Variants in LUZP2 observed in about 807,000 individuals in gnomAD.
LUZP2 encodes leucine zipper protein 2.
LUZP2 carries 52 observed loss-of-function variants against 51.6 expected under a neutral mutation model. That is an observed-to-expected ratio of 1.01 (90% confidence interval 0.81 to 1.27). LUZP2 has a LOEUF of 1.27. Among genes scored for constraint, LUZP2 ranks in the 50% most tolerant of loss-of-function variants. The probability of loss-of-function intolerance (pLI) is 0.00; values close to 1 mark genes in which losing one functional copy is unlikely to be tolerated. For missense variants in LUZP2, 436 were observed against 395.4 expected, an observed-to-expected ratio of 1.10 and a Z score of -0.87; for synonymous variants, 154 against 137.3, an observed-to-expected ratio of 1.12 and a Z score of -0.85.
chr11:25,001,217 T>A (rs899217464), intron 9 of LUZP2, among the ~76,000 whole-genome samples: 6 of 152,252 alleles, frequency 3.9e-5, no homozygotes, highest in African/African-American at 1.4e-4. Context: ...AGAATTGGTA[T>A]AGATGGCTCC....
intron 1 of LUZP2, among the ~76,000 whole-genome samples, chr11:24,549,133 T>C (rs947228384): frequency 2.0e-5 from 3 of 152,108 alleles, no homozygotes; most frequent in African/African-American, 7.2e-5. Context: ...GCAAGTATAT[T>C]GTACAGCTGT....
intron 1 of LUZP2, among the ~76,000 whole-genome samples, chr11:24,562,723 G>A (rs972713360): frequency 6.6e-6 from 1 of 151,328 alleles, no homozygotes; most frequent in East Asian, 2.0e-4. Context: ...TTACCTGGGC[G>A]TGGTGGTGGG....
intron 5 of LUZP2, among the ~76,000 whole-genome samples, chr11:24,778,877 A>G (rs541491607): frequency 6.6e-6 from 1 of 152,334 alleles, no homozygotes; most frequent in South Asian, 2.1e-4. Context: ...CTTAGTCTGT[A>G]GAGACAATAG....
chr11:24,890,187 A>G (rs1027650095), intron 5 of LUZP2, among the ~76,000 whole-genome samples: 1 of 152,198 alleles, frequency 6.6e-6, no homozygotes, highest in Non-Finnish European at 1.5e-5. Context: ...TATTATAAAA[A>G]TGTAACCAAG....
At chr11:24,967,440 T>A (rs891897416) in intron 7 of LUZP2, among the ~76,000 whole-genome samples, 6 of 152,012 alleles carry the variant, frequency 3.9e-5, no homozygotes, top group Non-Finnish European at 8.8e-5. Flanking sequence ...TTCATTAAAT[T>A]TTTTCCTAAC....
At chr11:24,999,810 T>C (rs1405895919) in intron 9 of LUZP2, among the ~76,000 whole-genome samples, 1 of 152,188 alleles carries the variant, frequency 6.6e-6, no homozygotes, top group Non-Finnish European at 1.5e-5. Flanking sequence ...TTGGTCTCAC[T>C]GACTTCAAGA....
At chr11:24,850,647 T>C (rs974251939) in intron 5 of LUZP2, among the ~76,000 whole-genome samples, 1 of 152,210 alleles carries the variant, frequency 6.6e-6, no homozygotes, top group East Asian at 1.9e-4. Flanking sequence ...TTTTTTCTAA[T>C]TCTGTGAAGA....
chr11:25,047,904 G>A (rs1369612999), intron 9 of LUZP2, among the ~76,000 whole-genome samples: 1 of 152,038 alleles, frequency 6.6e-6, no homozygotes, highest in Non-Finnish European at 1.5e-5. Context: ...CTGCAGCCTA[G>A]AATTTCTGGA....
At chr11:24,840,073 C>A (rs923310184) in intron 5 of LUZP2, among the ~76,000 whole-genome samples, 1 of 151,544 alleles carries the variant, frequency 6.6e-6, no homozygotes. Context: ...TTTCATTTAA[C>A]AGCACTTTGT....
intron 5 of LUZP2, chr11:24,890,976 C>A (rs1288967608): frequency 1.1e-5 from 11 of 960,742 alleles, no homozygotes; most frequent in Non-Finnish European, 1.3e-5. Context: ...AGTGAAATGG[C>A]AAGCATCTCT....
At chr11:24,700,236 G>A (rs1857384974) in intron 1 of LUZP2, among the ~76,000 whole-genome samples, 1 of 151,792 alleles carries the variant, frequency 6.6e-6, no homozygotes. Context: ...AGATTATTTT[G>A]TATTTTTAGT....
At position 24,806,266 on chromosome 11, in the gene LUZP2, A is replaced by C. The variant is rs149182390; in HGVS notation, c.396+42958A>C. On this transcript the variant is annotated intron_variant, in intron 5 of 11. Coordinates refer to ENST00000336930, the MANE Select transcript of LUZP2 (RefSeq NM_001009909.4). ...CCACTCGGTAAATGTTAATTGTTAA[A>C]TATTCGGGAATTTTGTGAATCAGTT... is the stretch of plus-strand genomic sequence containing the variant. Among the ~76,000 whole-genome samples the C allele has an allele frequency of 8.8e-3, 1,343 of 152,254 alleles. 26 individuals carry two copies. Among genetic ancestry groups the C allele is most frequent in the African/African-American group, 0.031 (1,278 of 41,548 alleles).
intron 1 of LUZP2, among the ~76,000 whole-genome samples, chr11:24,698,616 AGT>A (rs2133903743): frequency 6.6e-6 from 1 of 152,324 alleles, no homozygotes; most frequent in African/African-American, 2.4e-5. Context: ...TTTAGTCAGA[AGT>A]GTGTAAGCTA....
intron 1 of LUZP2, among the ~76,000 whole-genome samples, chr11:24,648,323 C>G (rs1855523248): frequency 6.6e-6 from 1 of 151,766 alleles, no homozygotes; most frequent in Admixed American, 6.6e-5. Flanking sequence ...TCTAGTTTCT[C>G]AGACTTCTAG....
intron 1 of LUZP2, among the ~76,000 whole-genome samples, chr11:24,526,297 C>T (rs1326355279): frequency 1.3e-5 from 2 of 149,106 alleles, no homozygotes; most frequent in South Asian, 4.2e-4. Flanking sequence ...GTGCATATTA[C>T]TTCTGGTACT....
chr11:24,758,519 T>C (rs1859857117), intron 4 of LUZP2, among the ~76,000 whole-genome samples: 1 of 152,060 alleles, frequency 6.6e-6, no homozygotes, highest in Non-Finnish European at 1.5e-5. Flanking sequence ...CTAGGTTAAA[T>C]AAGGATTAAA....
At chr11:24,741,213 G>A (rs1378824868) in intron 4 of LUZP2, among the ~76,000 whole-genome samples, 1 of 151,958 alleles carries the variant, frequency 6.6e-6, no homozygotes, top group Non-Finnish European at 1.5e-5. Context: ...GCATTGAAAT[G>A]TTTGAGAGTG....
At chr11:24,743,073 C>A (rs992157682) in intron 4 of LUZP2, among the ~76,000 whole-genome samples, 3 of 152,048 alleles carry the variant, frequency 2.0e-5, no homozygotes, top group African/African-American at 7.2e-5. Context: ...TATACCAATA[C>A]TATGCTGTTT....
In LUZP2 at chr11:25,043,043, G is replaced by GC. The variant is rs569982671; in HGVS notation, c.766-6995_766-6994insC. ...CCAGAGAACTTGTTTCCTTTGTGCT[G>GC]TGGGAATAGTTCTAAGATGGCCATC... is the stretch of plus-strand genomic sequence containing the variant. On this transcript the variant is annotated intron_variant, in intron 9 of 11. Transcript: ENST00000336930. Among the ~76,000 whole-genome samples, 494 of 152,310 alleles carry GC rather than the reference G, an allele frequency of 3.2e-3. 2 individuals carry two copies. The highest frequency in any genetic ancestry group is 0.011 in the African/African-American group (470 of 41,566).
Sources: gnomAD v4.1 joint callset for allele counts (sites outside exome capture counted in the v4.1 genomes callset) on GRCh38, gnomAD v4.1.1 for gene constraint, MANE v1.5 for transcripts, NCBI Gene and HGNC (gene_info 2026-07-23, HGNC 2026-07-21) for gene names.